DCC: variants seen among roughly 807,000 people sequenced by gnomAD.
The protein encoded by DCC is DCC netrin 1 receptor.
DCC carries 58 observed loss-of-function variants against 172.5 expected under a neutral mutation model. The ratio of observed to expected loss-of-function variants is 0.34; its 90% CI spans 0.27 to 0.42. The LOEUF (loss-of-function observed/expected upper bound fraction) is 0.42, where lower values mean the gene tolerates loss of function less well. Among genes scored for constraint, DCC ranks in the 10% least tolerant of loss-of-function variants. DCC has a pLI of 1.00. For missense variants in DCC, 1,740 were observed against 1,791.0 expected (o/e 0.97, Z 0.51); for synonymous variants, 709 against 644.5 (o/e 1.10, Z -1.52).
chr18:52,721,711 T>C (rs960571070), intron 1 of DCC, among the ~76,000 whole-genome samples: 3 of 152,140 alleles, frequency 2.0e-5, no homozygotes, highest in Non-Finnish European at 4.4e-5. Flanking sequence ...GTTACAGAGG[T>C]ACCCCAAATC....
intron 1 of DCC, among the ~76,000 whole-genome samples, chr18:52,519,543 G>A (rs186402588): frequency 6.6e-6 from 1 of 152,246 alleles, no homozygotes; most frequent in Admixed American, 6.5e-5. Flanking sequence ...TTGCAATGAG[G>A]GACAGGCAAT....
At chr18:52,718,115 G>A (rs73455770) in intron 1 of DCC, among the ~76,000 whole-genome samples, 6,659 of 152,188 alleles carry the variant, frequency 0.044, 471 homozygotes, top group African/African-American at 0.15. Context: ...AATGTTGGCC[G>A]TACAGCTGGC....
At chr18:53,507,666 G>A (rs2144511360) in intron 27 of DCC, among the ~76,000 whole-genome samples, 2 of 152,258 alleles carry the variant, frequency 1.3e-5, no homozygotes, top group Middle Eastern at 6.8e-3. Flanking sequence ...ACAATGATAA[G>A]TAAGCCCTAT....
chr18:53,053,936 G>A (rs889059657), intron 5 of DCC, among the ~76,000 whole-genome samples: 1 of 152,092 alleles, frequency 6.6e-6, no homozygotes, highest in Non-Finnish European at 1.5e-5. Context: ...CTATGTGTGT[G>A]CAGGACACTT....
At chr18:52,775,050 C>T (rs543482305) in intron 2 of DCC, among the ~76,000 whole-genome samples, 310 of 152,260 alleles carry the variant, frequency 2.0e-3, no homozygotes, top group Non-Finnish European at 3.6e-3. Context: ...AGCCTCTTAC[C>T]AGCAGGAAAA....
chr18:53,284,623 T>C (rs2056915058), intron 12 of DCC, among the ~76,000 whole-genome samples: 1 of 152,110 alleles, frequency 6.6e-6, no homozygotes, highest in Non-Finnish European at 1.5e-5. Flanking sequence ...GAAAATGGAC[T>C]AATACAGTAA....
Position 52,794,339 on chromosome 18 carries a change from A to AT in DCC, c.412+41973dup, listed in dbSNP as rs147445222. Among the ~76,000 whole-genome samples the AT allele has an allele frequency of 1.4e-3, 216 of 151,322 alleles. 1 individual carries two copies. Among genetic ancestry groups the AT allele is most frequent in the South Asian group, 6.5e-3 (31 of 4,800 alleles). ...GCTTGTGTCTTCAATTTCTTTCATC[A>AT]TTTTTTTTGTAGTTGTAGAAGTCTT... On this transcript the variant is annotated intron_variant, in intron 2 of 28. Transcript: ENST00000442544.
chr18:52,741,556 C>T (rs998365206), intron 1 of DCC, among the ~76,000 whole-genome samples: 1 of 152,168 alleles, frequency 6.6e-6, no homozygotes, highest in Non-Finnish European at 1.5e-5. Flanking sequence ...CCAGAAATTT[C>T]CTAGGGGATG....
intron 2 of DCC, among the ~76,000 whole-genome samples, chr18:52,797,061 A>G (rs1463156357): frequency 6.6e-6 from 1 of 150,538 alleles, no homozygotes. Flanking sequence ...TGCTTAGCCT[A>G]TTGACACTTG....
chr18:53,074,450 G>A (rs924026988), intron 7 of DCC, among the ~76,000 whole-genome samples: 3 of 152,084 alleles, frequency 2.0e-5, no homozygotes, highest in Admixed American at 6.6e-5. Context: ...TCCCTAGAAC[G>A]TTTTCCTTTA....
intron 21 of DCC, among the ~76,000 whole-genome samples, chr18:53,421,149 A>G (rs1157088339): frequency 6.6e-6 from 1 of 152,178 alleles, no homozygotes; most frequent in South Asian, 2.1e-4. Flanking sequence ...CAAACTTTTA[A>G]GGTATTTTTG....
intron 5 of DCC, among the ~76,000 whole-genome samples, chr18:53,006,894 C>T (rs367951727): frequency 6.6e-5 from 10 of 152,254 alleles, no homozygotes; most frequent in Admixed American, 4.6e-4. Flanking sequence ...TGCAGCCTCC[C>T]GTTTCTACAA....
At chr18:52,864,323 T>C (rs112937500) in intron 2 of DCC, among the ~76,000 whole-genome samples, 2,901 of 152,244 alleles carry the variant, frequency 0.019, 78 homozygotes, top group African/African-American at 0.063. Flanking sequence ...TAGAGGAAGA[T>C]TAAAAATGGA....
chr18:52,730,717 G>A (rs923506626), intron 1 of DCC, among the ~76,000 whole-genome samples: 1 of 152,152 alleles, frequency 6.6e-6, no homozygotes, highest in African/African-American at 2.4e-5. Context: ...TGTGGGGAGA[G>A]ACCTGGAAGA....
At chr18:53,269,196 A>G (rs1801662056) in intron 12 of DCC, among the ~76,000 whole-genome samples, 1 of 152,174 alleles carries the variant, frequency 6.6e-6, no homozygotes, top group African/African-American at 2.4e-5. Context: ...TGGAATGATA[A>G]AATAACTAGC....
chr18:52,782,568 T>C (rs1263914931), intron 2 of DCC, among the ~76,000 whole-genome samples: 1 of 152,156 alleles, frequency 6.6e-6, no homozygotes, highest in African/African-American at 2.4e-5. Flanking sequence ...ACTCACCCTT[T>C]CTAGCCAAGG....
chr18:52,907,573 C>G (rs1331563067), intron 3 of DCC, among the ~76,000 whole-genome samples: 1 of 151,920 alleles, frequency 6.6e-6, no homozygotes, highest in African/African-American at 2.4e-5. Context: ...GGCACCACAC[C>G]CGGCTAATTT....
At position 53,227,186 on chromosome 18, in the gene DCC, A is replaced by T. The variant is rs922351603; in HGVS notation, c.1911+11589A>T. On this transcript the variant is annotated intron_variant, in intron 12 of 28. Transcript: ENST00000442544. ...AAGGTCTCAATCTACTGACCTCGTG[A>T]TCTGCCACCTCGGCCTCCCATAGTG... Among the ~76,000 whole-genome samples the T allele has an allele frequency of 3.3e-5, 5 of 151,708 alleles. No individual in the cohort carries two copies. In the East Asian group the frequency reaches 9.7e-4, roughly 29 times the overall value.
intron 1 of DCC, among the ~76,000 whole-genome samples, chr18:52,352,936 T>G (rs1319921736): frequency 1.3e-5 from 2 of 152,142 alleles, no homozygotes; most frequent in African/African-American, 4.8e-5. Context: ...TCAATTAGAA[T>G]CCCAAGTGAC....
Sources: gnomAD v4.1 joint callset for allele counts (sites outside exome capture counted in the v4.1 genomes callset) on GRCh38, gnomAD v4.1.1 for gene constraint, MANE v1.5 for transcripts, NCBI Gene and HGNC (gene_info 2026-07-23, HGNC 2026-07-21) for gene names.